The following AGBL4 variants were observed in gnomAD, a reference collection of about 807,000 sequenced individuals.
The protein encoded by AGBL4 is AGBL carboxypeptidase 4.
Under a neutral mutation model 66.4 loss-of-function variants are expected in AGBL4, and 58 were observed. The ratio of observed to expected loss-of-function variants is 0.87; its 90% CI spans 0.71 to 1.09. The LOEUF is 1.09. AGBL4 is among the 50% of genes least tolerant of loss of function. The pLI is 0.00. For missense variants in AGBL4, 579 were observed against 631.0 expected (o/e 0.92, Z 0.88); for synonymous variants, 234 against 222.9 (o/e 1.05, Z -0.44).
intron 3 of AGBL4, among the ~76,000 whole-genome samples, chr1:49,256,716 A>G (rs1473710255): frequency 6.6e-6 from 1 of 152,176 alleles, no homozygotes; most frequent in Non-Finnish European, 1.5e-5. Flanking sequence ...GCAGCAACAG[A>G]GTTTTAGATA....
chr1:48,837,066 G>T (rs1158727225), intron 6 of AGBL4, among the ~76,000 whole-genome samples: 11 of 148,388 alleles, frequency 7.4e-5, no homozygotes, highest in African/African-American at 2.5e-4. Flanking sequence ...TTATATAATA[G>T]TAAGATATAT....
chr1:49,988,650 T>C (rs1659698269), intron 1 of AGBL4, among the ~76,000 whole-genome samples: 1 of 152,186 alleles, frequency 6.6e-6, no homozygotes, highest in African/African-American at 2.4e-5. Flanking sequence ...GTTTTACTAT[T>C]TAACTTAAGT....
intron 2 of AGBL4, among the ~76,000 whole-genome samples, chr1:49,764,993 C>G (rs1652630499): frequency 6.6e-6 from 1 of 152,174 alleles, no homozygotes; most frequent in Non-Finnish European, 1.5e-5. Flanking sequence ...GTGCAGCCCA[C>G]ACATTCCCCT....
intron 3 of AGBL4, chr1:49,374,107 T>C (rs1049440370): frequency 2.3e-4 from 35 of 152,084 alleles, no homozygotes; most frequent in African/African-American, 8.0e-4. Context: ...ATTTAAAAAA[T>C]AATCTTGACA....
chr1:49,939,910 A>G (rs1393544072), intron 1 of AGBL4, among the ~76,000 whole-genome samples: 1 of 152,222 alleles, frequency 6.6e-6, no homozygotes, highest in Non-Finnish European at 1.5e-5. Flanking sequence ...CAGAGTGAAT[A>G]GGCAACCTAT....
chr1:49,042,178 T>C (rs867044382), intron 5 of AGBL4, among the ~76,000 whole-genome samples: 23 of 152,208 alleles, frequency 1.5e-4, no homozygotes, highest in Middle Eastern at 3.4e-3. Flanking sequence ...ACAGTGCCTC[T>C]CACAGGCTCT....
intron 3 of AGBL4, among the ~76,000 whole-genome samples, chr1:49,553,524 G>A (rs142992477): frequency 2.7e-4 from 41 of 152,138 alleles, no homozygotes; most frequent in African/African-American, 9.4e-4. Flanking sequence ...CCCCATTAAC[G>A]TTTCCCTAGA....
At chr1:49,607,175 T>C (rs1645076242) in intron 3 of AGBL4, among the ~76,000 whole-genome samples, 1 of 152,102 alleles carries the variant, frequency 6.6e-6, no homozygotes, top group African/African-American at 2.4e-5. Context: ...CACCATGCCT[T>C]TGAGAGAGGC....
rs577645059 is a variant in AGBL4 at position 49,599,397 on chromosome 1, G to A, written c.282+97916C>T. Reference sequence around the variant, plus strand: ...TTTTCTAGTGTATTTGCGTAGAGGTGTTTACAGTATTTTCTGATGGTAGTT... The same window carrying A: ...TTTTCTAGTGTATTTGCGTAGAGGTATTTACAGTATTTTCTGATGGTAGTT... On this transcript the variant is annotated intron_variant, in intron 3 of 13. Coordinates refer to ENST00000371839, the MANE Select transcript of AGBL4 (RefSeq NM_032785.4). Among the ~76,000 whole-genome samples the A allele has an allele frequency of 2.0e-5, 3 of 152,268 alleles. No individual in the cohort carries two copies. In the East Asian group the frequency reaches 5.8e-4, roughly 29 times the overall value.
At chr1:49,907,542 T>C (rs748789131) in intron 1 of AGBL4, among the ~76,000 whole-genome samples, 1 of 152,148 alleles carries the variant, frequency 6.6e-6, no homozygotes, top group Non-Finnish European at 1.5e-5. Flanking sequence ...ACTGATTACA[T>C]TTCTAAGTGA....
chr1:49,499,266 A>G (rs978447750), intron 3 of AGBL4, among the ~76,000 whole-genome samples: 1 of 151,902 alleles, frequency 6.6e-6, no homozygotes, highest in Admixed American at 6.6e-5. Context: ...CTATTTCTTC[A>G]TGATTCATTC....
At chr1:49,802,225 T>A (rs572825886) in intron 2 of AGBL4, among the ~76,000 whole-genome samples, 20 of 152,168 alleles carry the variant, frequency 1.3e-4, no homozygotes, top group African/African-American at 4.8e-4. Context: ...GGGAATGGAA[T>A]GTGACCCATG....
At chr1:49,833,144 T>C (rs546586640) in intron 2 of AGBL4, among the ~76,000 whole-genome samples, 10 of 152,320 alleles carry the variant, frequency 6.6e-5, no homozygotes, top group African/African-American at 2.4e-4. Flanking sequence ...GTTTAAGTCT[T>C]TAATCCATCT....
rs1473094177 is a variant in AGBL4 at position 48,539,638 on chromosome 1, T to C, written c.1364+4A>G. 3 of 1,533,974 alleles carry C rather than the reference T, an allele frequency of 2.0e-6. No homozygotes were observed. Among genetic ancestry groups the C allele is most frequent in the Non-Finnish European group, 2.6e-6 (3 of 1,136,020 alleles). On this transcript the variant is annotated splice_donor_region_variant and intron_variant, in intron 12 of 13. Coordinates refer to ENST00000371839, the MANE Select transcript of AGBL4 (RefSeq NM_032785.4). The stretch of plus-strand genomic sequence containing the variant: ...AGCCGAAACCTCTCTGCTCTGCCAC[T>C]TACCGCAGTCTCGGCATGGGAATTG...
At chr1:49,644,439 TTAAAGTA>T (rs1352238437) in intron 3 of AGBL4, among the ~76,000 whole-genome samples, 3 of 151,670 alleles carry the variant, frequency 2.0e-5, no homozygotes, top group South Asian at 2.1e-4. Flanking sequence ...CACAGAAAGG[TTAAAGTA>T]TAAAGATGGG....
At chr1:49,589,822 T>C (rs971111886) in intron 3 of AGBL4, among the ~76,000 whole-genome samples, 1 of 152,096 alleles carries the variant, frequency 6.6e-6, no homozygotes. Flanking sequence ...TGTGTGGGAA[T>C]GTATACTTGC....
intron 3 of AGBL4, among the ~76,000 whole-genome samples, chr1:49,580,932 T>C (rs1432341097): frequency 6.6e-6 from 1 of 152,230 alleles, no homozygotes; most frequent in African/African-American, 2.4e-5. Context: ...AAAATTTTCA[T>C]CTATTAACTT....
chr1:49,336,990 T>C (rs1356881704), intron 3 of AGBL4, among the ~76,000 whole-genome samples: 1 of 152,172 alleles, frequency 6.6e-6, no homozygotes, highest in South Asian at 2.1e-4. Flanking sequence ...AATCTTGAGA[T>C]TAAAAATACA....
At chr1:48,993,551 G>C (rs1246027797) in intron 5 of AGBL4, among the ~76,000 whole-genome samples, 3 of 152,124 alleles carry the variant, frequency 2.0e-5, no homozygotes, top group Non-Finnish European at 4.4e-5. Flanking sequence ...CCTGACCCCG[G>C]AACAGCACTA....
Sources: allele counts gnomAD v4.1 joint callset (sites outside exome capture counted in the v4.1 genomes callset), GRCh38; gene constraint gnomAD v4.1.1; transcripts MANE v1.5; gene names NCBI Gene and HGNC (gene_info 2026-07-23, HGNC 2026-07-21).